Variants in ANLN observed in about 807,000 individuals in gnomAD.
The protein encoded by ANLN is anillin.
In ANLN, 59 loss-of-function variants were observed where a neutral mutation model predicts 135.1. That is an observed-to-expected ratio of 0.44 (90% CI 0.35 to 0.54). ANLN has a LOEUF of 0.54. Among genes scored for constraint, ANLN ranks in the 20% least tolerant of loss-of-function variants. ANLN has a pLI of 0.00. For synonymous variants in ANLN, 406 were observed against 456.4 expected, an observed-to-expected ratio of 0.89 and a Z score of 1.41; for missense variants, 1,182 against 1,340.0, an observed-to-expected ratio of 0.88 and a Z score of 1.84.
chr7:36,444,262 C>A (rs1050716118), intron 22 of ANLN, among the ~76,000 whole-genome samples: 6 of 150,968 alleles, frequency 4.0e-5, no homozygotes, highest in African/African-American at 7.3e-5. Context: ...GGCACTCCAG[C>A]CTGAGCGACA....
intron 11 of ANLN, 84 bp downstream of exon 11, chr7:36,420,398 T>C (rs1787826841): frequency 8.8e-6 from 13 of 1,484,160 alleles, no homozygotes; most frequent in Non-Finnish European, 1.2e-5. Flanking sequence ...GTAATTATAA[T>C]GTTATTAATA....
chr7:36,410,392 A>T (rs1262408662), intron 5 of ANLN, 122 bp from the exon 6 acceptor site: 1 of 845,212 alleles, frequency 1.2e-6, no homozygotes, highest in Non-Finnish European at 1.7e-6. Context: ...TACTTTGTGA[A>T]TGAATATTCC....
chr7:36,403,213 A>G (rs1787035059), intron 3 of ANLN, among the ~76,000 whole-genome samples: 1 of 152,184 alleles, frequency 6.6e-6, no homozygotes, highest in Non-Finnish European at 1.5e-5. Flanking sequence ...ACAGGAGACA[A>G]ACTCTAAGAC....
intron 4 of ANLN, 61 bp from the exon 5 acceptor site, chr7:36,407,673 G>T: frequency 7.9e-7 from 1 of 1,263,632 alleles, no homozygotes. Flanking sequence ...GAATTGTTTT[G>T]TTATAGGACT....
At position 36,399,200 on chromosome 7, in the gene ANLN, A is replaced by G. The variant is rs1037184675; in HGVS notation, c.294A>G (p.Pro98=). The change falls in exon 3 of 24, where the codon CCA becomes CCG. Residue 98 remains proline (P), a synonymous_variant. Transcript: ENST00000265748. The part of the protein sequence containing the change: ...VESTSAKSCS[P]SPVSPQVQPQ... ...CGACATCTGCAAAATCTTGTTCTCC[A>G]AGTCCTGTGTCTCCTCAGGTGCAGC... The G allele has an allele frequency of 3.7e-6, 6 of 1,614,148 alleles. No homozygotes were observed. The highest frequency in any genetic ancestry group is 1.7e-6 in the Non-Finnish European group (2 of 1,180,018).
chr7:36,425,293 C>CT (rs1221400271), intron 17 of ANLN, among the ~76,000 whole-genome samples: 25,454 of 123,612 alleles, frequency 0.21, 3,628 homozygotes, highest in Non-Finnish European at 0.28. Context: ...AGAACTCATT[C>CT]TTTTTTTTTT....
At chr7:36,429,976 A>G (rs1286865700) in intron 20 of ANLN, among the ~76,000 whole-genome samples, 1 of 152,234 alleles carries the variant, frequency 6.6e-6, no homozygotes, top group Non-Finnish European at 1.5e-5. Context: ...ACTCCTTCTC[A>G]GTCAGATACA....
intron 20 of ANLN, among the ~76,000 whole-genome samples, chr7:36,427,751 C>G (rs73332646): frequency 1.3e-5 from 2 of 152,146 alleles, no homozygotes; most frequent in Admixed American, 6.6e-5. Context: ...AAAGTACTTA[C>G]GAATCTAAGA....
At chr7:36,436,331 T>A (rs1411039961) in intron 20 of ANLN, among the ~76,000 whole-genome samples, 1 of 152,250 alleles carries the variant, frequency 6.6e-6, no homozygotes, top group African/African-American at 2.4e-5. Context: ...TATTCTATTA[T>A]ATGTATATAC....
At chr7:36,434,778 A>C (rs1788460316) in intron 20 of ANLN, among the ~76,000 whole-genome samples, 1 of 152,134 alleles carries the variant, frequency 6.6e-6, no homozygotes, top group Non-Finnish European at 1.5e-5. Context: ...AGGCACGAGA[A>C]TTGCTTGAAC....
intron 17 of ANLN, 60 bp from the exon 18 acceptor site, chr7:36,425,642 T>C: frequency 7.5e-7 from 1 of 1,328,902 alleles, no homozygotes; most frequent in African/African-American, 1.5e-5. Flanking sequence ...TGGATAGTTT[T>C]ACTTTCTGAG....
intron 22 of ANLN, among the ~76,000 whole-genome samples, chr7:36,446,510 T>G (rs1189785710): frequency 2.0e-5 from 3 of 152,196 alleles, no homozygotes; most frequent in Non-Finnish European, 4.4e-5. Context: ...AGGGCGCTTT[T>G]ACTCACAGCA....
At chr7:36,441,295 T>G (rs1399107604) in intron 21 of ANLN, among the ~76,000 whole-genome samples, 3 of 152,258 alleles carry the variant, frequency 2.0e-5, no homozygotes, top group Non-Finnish European at 2.9e-5. Context: ...TCAAGTTTAC[T>G]CTGTCTTGAA....
chr7:36,437,834 C>T (rs544545242), intron 20 of ANLN, among the ~76,000 whole-genome samples: 1 of 152,070 alleles, frequency 6.6e-6, no homozygotes, highest in African/African-American at 2.4e-5. Context: ...TGCAATGGCA[C>T]AATCTTGGCA....
At position 36,407,865 on chromosome 7, in the gene ANLN, G is replaced by A; in HGVS notation, c.1005G>A (p.Lys335=). 6.2e-7 allele frequency: 1 copy of A among 1,613,896 alleles called. No individual in the cohort carries two copies. The highest frequency in any genetic ancestry group is 8.5e-7 in the Non-Finnish European group (1 of 1,179,864). ...LKTGVSKPIV[K]STLSQTVPSK... ...CGGGGGTATCGAAACCAATTGTGAA[G>A]TCAACTTTATCCCAGACAGTTCCAT... is the stretch of plus-strand genomic sequence containing the variant. The change falls in exon 5 of 24, where the codon AAG becomes AAA. Residue 335 remains lysine (K), a synonymous_variant. Coordinates refer to ENST00000265748, the MANE Select transcript of ANLN (RefSeq NM_018685.5).
intron 1 of ANLN, among the ~76,000 whole-genome samples, chr7:36,395,073 A>G (rs899335597): frequency 3.3e-5 from 5 of 152,158 alleles, no homozygotes; most frequent in African/African-American, 1.2e-4. Flanking sequence ...CTAATATGTT[A>G]TTTATCTCTT....
In ANLN at chr7:36,443,869, T is replaced by C; in HGVS notation, c.3078+7T>C. On this transcript the variant is annotated splice_region_variant and intron_variant, in intron 22 of 23. Coordinates refer to ENST00000265748, the MANE Select transcript of ANLN (RefSeq NM_018685.5). ...AGATGATGAGAAACGCAAGGTAATTTATATAGTACTGTTTAGTGGTGAAAG... is the reference window on the plus strand; with the variant it reads ...AGATGATGAGAAACGCAAGGTAATTCATATAGTACTGTTTAGTGGTGAAAG... 1 of 1,576,508 alleles carries C rather than the reference T, an allele frequency of 6.3e-7. No individual in the cohort carries two copies. The highest frequency in any genetic ancestry group is 1.3e-5 in the African/African-American group (1 of 74,374).
intron 3 of ANLN, among the ~76,000 whole-genome samples, chr7:36,403,298 T>A (rs1745463053): frequency 6.6e-6 from 1 of 152,254 alleles, no homozygotes; most frequent in South Asian, 2.1e-4. Context: ...TAGTTAGTGA[T>A]GTCTTTTCCT....
chr7:36,440,021 G>A (rs1257209069), intron 21 of ANLN, among the ~76,000 whole-genome samples: 3 of 152,192 alleles, frequency 2.0e-5, no homozygotes, highest in African/African-American at 4.8e-5. Context: ...ATGACAACCC[G>A]AAGAAGACTA....
Sources: allele counts gnomAD v4.1 joint callset (sites outside exome capture counted in the v4.1 genomes callset), GRCh38; gene constraint gnomAD v4.1.1; transcripts MANE v1.5; gene names NCBI Gene and HGNC (gene_info 2026-07-23, HGNC 2026-07-21).